Variants in TMPRSS11D observed in about 807,000 individuals in gnomAD.
TMPRSS11D encodes transmembrane serine protease 11D.
Under a neutral mutation model 44.4 loss-of-function variants are expected in TMPRSS11D, and 32 were observed. The observed-to-expected ratio is 0.72, with a 90% confidence interval of 0.54 to 0.97. TMPRSS11D has a LOEUF of 0.97. Ranked by LOEUF, TMPRSS11D falls within the 50% of genes least tolerant of loss-of-function variation. The pLI, the probability that TMPRSS11D is intolerant of heterozygous loss-of-function variation, is 0.00. For missense variants in TMPRSS11D, 446 were observed against 502.6 expected (o/e 0.89, Z 1.08); for synonymous variants, 179 against 177.9 (o/e 1.01, Z -0.05).
chr4:67,881,953 C>T (rs1475240136), intron 1 of TMPRSS11D, among the ~76,000 whole-genome samples: 1 of 152,194 alleles, frequency 6.6e-6, no homozygotes, highest in Non-Finnish European at 1.5e-5. Flanking sequence ...CAAACCTCAT[C>T]TCACACGTTT....
intron 1 of TMPRSS11D, among the ~76,000 whole-genome samples, chr4:67,862,785 T>C (rs1718821757): frequency 6.6e-6 from 1 of 152,054 alleles, no homozygotes; most frequent in African/African-American, 2.4e-5. Context: ...GAAACCATCA[T>C]TCTCAGCAAA....
Position 67,822,430 on chromosome 4 carries a change from G to A in TMPRSS11D, c.1164C>T (p.Ser388=). ...RRLWFIVGIV[S]WGDQCGLPDK... ...CCGGCAGGCCACACTGATCTCCCCA[G>A]CTTACTATCCCCACAATAAACCAAA... Residue 388 remains serine, a synonymous_variant, in exon 10 of 10, where the codon AGC becomes AGT. Coordinates refer to ENST00000283916, the MANE Select transcript of TMPRSS11D (RefSeq NM_004262.3). 6.2e-7 allele frequency: 1 copy of A among 1,613,872 alleles called. No homozygotes were observed. The highest frequency in any genetic ancestry group is 1.1e-5 in the South Asian group (1 of 91,050).
At chr4:67,851,633 G>C (rs556227101) in intron 3 of TMPRSS11D, among the ~76,000 whole-genome samples, 24 of 152,264 alleles carry the variant, frequency 1.6e-4, no homozygotes, top group Non-Finnish European at 3.4e-4. Flanking sequence ...ATCTTCCTCT[G>C]AGGTGGTCTG....
At position 67,854,290 on chromosome 4, in the gene TMPRSS11D, TG is replaced by T; in HGVS notation, c.131-105del. ...GTTATATTATAGAATTTCAAAAATT[TG>T]CTTTCCTTGAAAGAAAAAGTTCTAT... is the stretch of plus-strand genomic sequence containing the variant. On this transcript the variant is annotated intron_variant, in intron 2 of 9. Coordinates refer to ENST00000283916, the MANE Select transcript of TMPRSS11D (RefSeq NM_004262.3). 5.2e-6 allele frequency: 3 copies of T among 582,002 alleles called. No homozygotes were observed. The Admixed American group carries it at 1.1e-4, about 21-fold the overall frequency. 36.1% of individuals were successfully genotyped at this position (582,002 alleles called of 1,614,324 possible). A position where few individuals can be genotyped will look rare whatever the true frequency, so the allele number is the denominator to read the frequency against.
intron 3 of TMPRSS11D, among the ~76,000 whole-genome samples, chr4:67,845,876 G>C (rs1162205050): frequency 1.3e-5 from 2 of 152,056 alleles, no homozygotes; most frequent in African/African-American, 4.8e-5. Context: ...TAGTAGAACA[G>C]GTCACATAAA....
chr4:67,859,809 C>A (rs760111057), intron 1 of TMPRSS11D, 131 bp from the exon 2 acceptor site: 2 of 1,247,456 alleles, frequency 1.6e-6, no homozygotes, highest in East Asian at 5.1e-5. Context: ...GAAACATATT[C>A]GTAGATATGA....
intron 8 of TMPRSS11D, among the ~76,000 whole-genome samples, chr4:67,826,486 T>C (rs1357178715): frequency 6.6e-6 from 1 of 152,180 alleles, no homozygotes; most frequent in Non-Finnish European, 1.5e-5. Context: ...GCTGATACTC[T>C]TACTGGTTCT....
chr4:67,865,700 C>G (rs1266420053), intron 1 of TMPRSS11D, among the ~76,000 whole-genome samples: 2 of 151,740 alleles, frequency 1.3e-5, no homozygotes, highest in Non-Finnish European at 3.0e-5. Context: ...ACTCTATGCT[C>G]ACAAACTAGA....
chr4:67,880,458 A>G (rs529523292), intron 1 of TMPRSS11D, among the ~76,000 whole-genome samples: 30 of 152,192 alleles, frequency 2.0e-4, no homozygotes, highest in African/African-American at 7.0e-4. Flanking sequence ...AATTGGGGAT[A>G]GTATGGCGTG....
intron 1 of TMPRSS11D, among the ~76,000 whole-genome samples, chr4:67,882,853 T>C (rs1045433014): frequency 2.7e-5 from 4 of 149,838 alleles, no homozygotes; most frequent in African/African-American, 1.0e-4. Context: ...GTAAATACAA[T>C]TTTGTGATTT....
At chr4:67,878,546 T>C (rs1469828278) in intron 1 of TMPRSS11D, among the ~76,000 whole-genome samples, 1 of 152,196 alleles carries the variant, frequency 6.6e-6, no homozygotes, top group Non-Finnish European at 1.5e-5. Flanking sequence ...CTGGGCCTTT[T>C]TGTTCCAGTG....
At chr4:67,837,069 C>T (rs983668893) in intron 5 of TMPRSS11D, among the ~76,000 whole-genome samples, 8 of 152,082 alleles carry the variant, frequency 5.3e-5, no homozygotes, top group African/African-American at 1.9e-4. Flanking sequence ...ATTGTCAACA[C>T]TCTTGTGTTG....
At chr4:67,834,594 T>C (rs1718029200) in intron 6 of TMPRSS11D, among the ~76,000 whole-genome samples, 1 of 152,142 alleles carries the variant, frequency 6.6e-6, no homozygotes, top group African/African-American at 2.4e-5. Flanking sequence ...TAGGATGATG[T>C]TGAAGAGTAG....
At position 67,846,292 on chromosome 4, in the gene TMPRSS11D, A is replaced by G. The variant is rs1718355459; in HGVS notation, c.250-3667T>C. Among the ~76,000 whole-genome samples the G allele has an allele frequency of 3.9e-5, 6 of 152,194 alleles. No homozygotes were observed. The South Asian group carries it at 1.2e-3, about 32-fold the overall frequency. On this transcript the variant is annotated intron_variant, in intron 3 of 9. Coordinates refer to ENST00000283916, the MANE Select transcript of TMPRSS11D (RefSeq NM_004262.3). ...TAAATTATATACATGTAATAATACT[A>G]CATTACTAACAATATCCATTATAAT...
intron 7 of TMPRSS11D, among the ~76,000 whole-genome samples, chr4:67,831,580 C>T (rs12511895): frequency 0.77 from 117,718 of 152,014 alleles, 46,867 homozygotes; most frequent in Middle Eastern, 0.88. Context: ...GTTTCTATTC[C>T]GTTCTTGGTT....
At chr4:67,876,899 AG>A (rs1490808802) in intron 1 of TMPRSS11D, among the ~76,000 whole-genome samples, 2 of 152,222 alleles carry the variant, frequency 1.3e-5, no homozygotes, top group Admixed American at 6.5e-5. Context: ...GATATTACAT[AG>A]CCCCCTTAGC....
chr4:67,856,175 G>A lies in TMPRSS11D; in HGVS notation c.131-1989C>T, dbSNP rs185695706. On this transcript the variant is annotated intron_variant, in intron 2 of 9. Transcript: ENST00000283916. ...TATGAAACAAAGAGCCCAAATAGTC[G>A]AATCACACCTGAGCAGAAAGAGCAA... 1.6e-3 allele frequency among the ~76,000 whole-genome samples: 248 copies of A among 152,050 alleles called. 1 individual carries two copies. Among genetic ancestry groups the A allele is most frequent in the African/African-American group, 4.9e-3 (202 of 41,500 alleles).
intron 5 of TMPRSS11D, among the ~76,000 whole-genome samples, chr4:67,837,818 C>G (rs562404333): frequency 6.9e-6 from 1 of 143,940 alleles, no homozygotes; most frequent in African/African-American, 2.6e-5. Context: ...ATGAAGAAGC[C>G]TCTGAGGTGG....
chr4:67,850,568 A>G (rs1397318094), intron 3 of TMPRSS11D, among the ~76,000 whole-genome samples: 1 of 152,136 alleles, frequency 6.6e-6, no homozygotes, highest in Non-Finnish European at 1.5e-5. Context: ...AAAAGCTGAC[A>G]CCCCAGGGAA....
Sources: gnomAD v4.1 joint callset for allele counts (sites outside exome capture counted in the v4.1 genomes callset) on GRCh38, gnomAD v4.1.1 for gene constraint, MANE v1.5 for transcripts, NCBI Gene and HGNC (gene_info 2026-07-23, HGNC 2026-07-21) for gene names.